Variants in HYDIN observed in about 807,000 individuals in gnomAD.
HYDIN encodes the protein HYDIN axonemal central pair apparatus protein.
HYDIN carries 132 observed loss-of-function variants against 403.9 expected under a neutral mutation model. The ratio of observed to expected loss-of-function variants is 0.33; its 90% CI spans 0.28 to 0.38. HYDIN has a LOEUF of 0.38. HYDIN is among the 10% of genes least tolerant of loss of function. The pLI is 1.00. For missense variants in HYDIN, 2,827 were observed against 5,009.5 expected (o/e 0.56, Z 13.15); for synonymous variants, 1,202 against 1,891.7 (o/e 0.64, Z 9.46).
chr16:70,906,478 T>C (rs1313937319), intron 50 of HYDIN, among the ~76,000 whole-genome samples: 2 of 151,488 alleles, frequency 1.3e-5, no homozygotes, highest in Non-Finnish European at 3.0e-5. Context: ...TCCCTCTTCC[T>C]GGCACAAGCC....
chr16:71,195,514 G>A (rs1326767261), intron 1 of HYDIN, among the ~76,000 whole-genome samples: 1 of 152,062 alleles, frequency 6.6e-6, no homozygotes, highest in Non-Finnish European at 1.5e-5. Flanking sequence ...TTGTCAGTGG[G>A]GGGTTTTCTA....
intron 71 of HYDIN, among the ~76,000 whole-genome samples, chr16:70,858,080 C>T (rs2039143852): frequency 6.6e-6 from 1 of 152,030 alleles, no homozygotes; most frequent in South Asian, 2.1e-4. Flanking sequence ...CTAAGGGAGT[C>T]TCCCCCATCC....
chr16:71,177,131 T>C (rs945842048), intron 4 of HYDIN, among the ~76,000 whole-genome samples: 2 of 152,206 alleles, frequency 1.3e-5, no homozygotes, highest in Non-Finnish European at 1.5e-5. Context: ...GGCTGCATCT[T>C]ATCAAGAGAT....
intron 6 of HYDIN, among the ~76,000 whole-genome samples, chr16:71,154,248 CTTTTT>C (rs970754264): frequency 1.3e-5 from 2 of 151,456 alleles, no homozygotes; most frequent in African/African-American, 2.4e-5. Flanking sequence ...CCTCTCTTTT[CTTTTT>C]TTAAGTTTTA....
Position 71,100,559 on chromosome 16 carries a change from G to A in HYDIN, c.1328-6624C>T, listed in dbSNP as rs575302336. Reference sequence around the variant, plus strand: ...GGGCAGAAAGTGCAAAATGACAAAGGAAACAGAAGAGAAACTCAGAATAGA... The same window carrying A: ...GGGCAGAAAGTGCAAAATGACAAAGAAAACAGAAGAGAAACTCAGAATAGA... On this transcript the variant is annotated intron_variant, in intron 10 of 85. Coordinates refer to ENST00000393567, the MANE Select transcript of HYDIN (RefSeq NM_001270974.2). Among the ~76,000 whole-genome samples, 9 of 152,292 alleles carry A rather than the reference G, an allele frequency of 5.9e-5. No homozygotes were observed. The South Asian group carries it at 1.9e-3, about 32-fold the overall frequency.
At chr16:71,008,271 T>C (rs2079955197) in intron 23 of HYDIN, among the ~76,000 whole-genome samples, 1 of 152,078 alleles carries the variant, frequency 6.6e-6, no homozygotes, top group Non-Finnish European at 1.5e-5. Flanking sequence ...TCTGCACATG[T>C]ATCCCCTGAA....
chr16:71,226,488 A>G (rs538692001), intron 1 of HYDIN, among the ~76,000 whole-genome samples: 11 of 152,352 alleles, frequency 7.2e-5, no homozygotes, highest in African/African-American at 2.4e-4. Context: ...TCTGAGAAAG[A>G]AACATTGAGG....
chr16:71,124,663 T>C (rs904861250), intron 9 of HYDIN, among the ~76,000 whole-genome samples: 1 of 152,148 alleles, frequency 6.6e-6, no homozygotes, highest in Non-Finnish European at 1.5e-5. Flanking sequence ...TTTTTCTTTT[T>C]AAGTTTAACT....
chr16:70,994,534 T>G (rs1034319067), intron 23 of HYDIN, among the ~76,000 whole-genome samples: 1 of 151,206 alleles, frequency 6.6e-6, no homozygotes, highest in Non-Finnish European at 1.5e-5. Flanking sequence ...ACCACTCCAT[T>G]AGGGGCAGAG....
At chr16:70,843,040 TTTA>T (rs1372257374) in intron 75 of HYDIN, among the ~76,000 whole-genome samples, 12 of 151,000 alleles carry the variant, frequency 7.9e-5, no homozygotes, top group African/African-American at 2.9e-4. Context: ...TATTTATTTA[TTTA>T]TTCTTTTTTT....
At chr16:71,174,144 A>C (rs2086572266) in intron 5 of HYDIN, among the ~76,000 whole-genome samples, 1 of 152,074 alleles carries the variant, frequency 6.6e-6, no homozygotes, top group Non-Finnish European at 1.5e-5. Context: ...CTCAAACAAA[A>C]TTGTAGTTTC....
At position 71,029,180 on chromosome 16, in the gene HYDIN, C is replaced by T. The variant is rs887908197; in HGVS notation, c.2769-1305G>A. 1.4e-4 allele frequency among the ~76,000 whole-genome samples: 21 copies of T among 152,016 alleles called. No homozygotes were observed. The South Asian group carries it at 3.1e-3, about 23-fold the overall frequency. On this transcript the variant is annotated intron_variant, in intron 19 of 85. Coordinates refer to ENST00000393567, the MANE Select transcript of HYDIN (RefSeq NM_001270974.2). ...AATATTTTAGGCTTTTTGGGCCACA[C>T]GGTCTCTGTAACAGCTACTCAACTT... is the stretch of plus-strand genomic sequence containing the variant.
At chr16:71,194,465 T>C (rs1007251805) in intron 1 of HYDIN, among the ~76,000 whole-genome samples, 2 of 152,178 alleles carry the variant, frequency 1.3e-5, no homozygotes, top group African/African-American at 2.4e-5. Flanking sequence ...TTAGCAGTAA[T>C]AAACCAAAAC....
At chr16:70,984,815 G>A (rs1246439949) in intron 28 of HYDIN, among the ~76,000 whole-genome samples, 6 of 150,670 alleles carry the variant, frequency 4.0e-5, no homozygotes. Flanking sequence ...TTGGCTCAGC[G>A]CAGTCTGCTA....
At chr16:71,201,559 C>G (rs911191386) in intron 1 of HYDIN, among the ~76,000 whole-genome samples, 5 of 152,174 alleles carry the variant, frequency 3.3e-5, no homozygotes, top group African/African-American at 1.2e-4. Context: ...GCCAAGCCCA[C>G]CAAAGCCAAT....
At chr16:71,087,280 A>T (rs2082958825) in intron 12 of HYDIN, among the ~76,000 whole-genome samples, 1 of 152,108 alleles carries the variant, frequency 6.6e-6, no homozygotes, top group South Asian at 2.1e-4. Context: ...ACAGAAGTTT[A>T]TTTCTGTTGC....
chr16:71,200,199 A>G (rs1306451778), intron 1 of HYDIN, among the ~76,000 whole-genome samples: 2 of 152,224 alleles, frequency 1.3e-5, no homozygotes, highest in Admixed American at 6.5e-5. Flanking sequence ...GCAAATCATC[A>G]AAGAAATAAC....
In HYDIN at chr16:70,863,180, A is replaced by G; in HGVS notation, c.11474T>C (p.Phe3825Ser). The change falls in exon 68 of 86, where the codon TTC (phenylalanine) becomes TCC (serine). Residue 3825 changes from phenylalanine (F) to serine (S), a missense_variant and splice_region_variant. By Grantham distance (155) the Phe-to-Ser change is radical. Transcript: ENST00000393567. ...GACACGTCCTGAATTAATCACATCG[A>G]ACCTGCAAATCGATCAGGGAGCAGA... ...TLVYQTRVFEFDVINSGRVQL... is the reference protein window; with the variant it reads ...TLVYQTRVFESDVINSGRVQL... 6.2e-7 allele frequency: 1 copy of G among 1,613,084 alleles called. No individual in the cohort carries two copies. The highest frequency in any genetic ancestry group is 8.5e-7 in the Non-Finnish European group (1 of 1,179,592).
intron 8 of HYDIN, among the ~76,000 whole-genome samples, chr16:71,133,658 T>C (rs981925114): frequency 3.9e-5 from 6 of 152,184 alleles, no homozygotes; most frequent in Admixed American, 6.5e-5. Flanking sequence ...GTGACCTTGC[T>C]GGGGAAATGG....
Sources: gnomAD v4.1 joint callset for allele counts (sites outside exome capture counted in the v4.1 genomes callset) on GRCh38, gnomAD v4.1.1 for gene constraint, MANE v1.5 for transcripts, NCBI Gene and HGNC (gene_info 2026-07-23, HGNC 2026-07-21) for gene names.